Variants in PIK3R5 observed in about 807,000 individuals in gnomAD.
PIK3R5 encodes phosphoinositide 3-kinase regulatory subunit 5.
Under a neutral mutation model 94.9 loss-of-function variants are expected in PIK3R5, and 32 were observed. The observed-to-expected ratio is 0.34, with a 90% CI of 0.25 to 0.45. PIK3R5 has a LOEUF of 0.45. Among genes scored for constraint, PIK3R5 ranks in the 20% least tolerant of loss-of-function variants. PIK3R5 has a pLI of 1.00. For synonymous variants in PIK3R5, 443 were observed against 479.4 expected, an observed-to-expected ratio of 0.92 and a Z score of 0.99; for missense variants, 853 against 1,144.6, an observed-to-expected ratio of 0.75 and a Z score of 3.68.
intron 1 of PIK3R5, among the ~76,000 whole-genome samples, chr17:8,930,044 AT>A (rs2090960427): frequency 6.6e-6 from 1 of 152,256 alleles, no homozygotes; most frequent in Non-Finnish European, 1.5e-5. Context: ...TGTAAAGAAA[AT>A]CAGCAAGGAT....
chr17:8,887,512 G>C lies in PIK3R5; in HGVS notation c.1779+9C>G, dbSNP rs1336492934. The C allele has an allele frequency of 1.2e-6, 2 of 1,600,316 alleles. No homozygotes were observed. The highest frequency in any genetic ancestry group is 1.1e-5 in the South Asian group (1 of 88,742). On this transcript the variant is annotated intron_variant, in intron 11 of 18. Coordinates refer to ENST00000447110, the MANE Select transcript of PIK3R5 (RefSeq NM_001142633.3). Reference sequence around the variant, plus strand: ...TTTCCCCGACCATTGGCCCAGGCTGGGGACATACTCCAGGGCTGGCGTGCC... The same window carrying C: ...TTTCCCCGACCATTGGCCCAGGCTGCGGACATACTCCAGGGCTGGCGTGCC...
intron 1 of PIK3R5, among the ~76,000 whole-genome samples, chr17:8,918,062 A>G (rs2090664263): frequency 6.6e-6 from 1 of 152,212 alleles, no homozygotes; most frequent in Non-Finnish European, 1.5e-5. Flanking sequence ...TTTAATGTAT[A>G]TACAGATAAA....
intron 3 of PIK3R5, 117 bp downstream of exon 3, chr17:8,908,957 C>A (rs114416928): frequency 3.1e-6 from 2 of 641,956 alleles, no homozygotes; most frequent in Non-Finnish European, 5.6e-6. Flanking sequence ...GTTCCCAGGG[C>A]CTTTGCCCAG....
At chr17:8,895,666 C>T (rs1309895303) in intron 5 of PIK3R5, among the ~76,000 whole-genome samples, 5 of 152,158 alleles carry the variant, frequency 3.3e-5, no homozygotes, top group Admixed American at 2.6e-4. Flanking sequence ...CATCTATATT[C>T]GTGTGCCTTA....
At chr17:8,905,769 C>T in intron 3 of PIK3R5, 32 bp from the exon 4 acceptor site, 1 of 1,499,150 alleles carries the variant, frequency 6.7e-7, no homozygotes, top group Non-Finnish European at 9.1e-7. Context: ...GAATGAGCCT[C>T]ATTCACGGGG....
rs2090063552 is a variant in PIK3R5, at chr17:8,893,046, C to G, written c.482+540G>C. Among the ~76,000 whole-genome samples the G allele has an allele frequency of 7.4e-6, 1 of 135,790 alleles. No individual in the cohort carries two copies. The highest frequency in any genetic ancestry group is 3.0e-5 in the African/African-American group (1 of 33,028). The allele number at this position is 135,790 out of a possible 152,430, so 89.1% of individuals were successfully genotyped here. A position where few individuals can be genotyped will look rare whatever the true frequency, so the allele number is the denominator to read the frequency against. ...GTAACCAGGATACATTTCATTTCAG[C>G]TGTGTGTGTGTGTGTGTGTGTGTGT... On this transcript the variant is annotated intron_variant, in intron 6 of 18. Coordinates refer to ENST00000447110, the MANE Select transcript of PIK3R5 (RefSeq NM_001142633.3). The surrounding 1 kb of genome is among the most constrained non-coding windows in gnomAD (Gnocchi z 5.1).
intron 1 of PIK3R5, among the ~76,000 whole-genome samples, chr17:8,928,421 A>C (rs2090929279): frequency 6.6e-6 from 1 of 152,266 alleles, no homozygotes; most frequent in African/African-American, 2.4e-5. Context: ...AACCATAAAC[A>C]GGATAAAGCC....
chr17:8,887,055 G>T, intron 12 of PIK3R5, 41 bp downstream of exon 12: 2 of 1,610,382 alleles, frequency 1.2e-6, no homozygotes, highest in Non-Finnish European at 1.7e-6. Context: ...CTGGGTGACT[G>T]CAGCCAGTGG....
rs2091055184 is a variant in PIK3R5 at position 8,935,424 on chromosome 17, T to C, written c.-13-23917A>G. Among the ~76,000 whole-genome samples the C allele has an allele frequency of 6.6e-6, 1 of 151,856 alleles. No homozygotes were observed. The highest frequency in any genetic ancestry group is 6.6e-5 in the Admixed American group (1 of 15,232). On this transcript the variant is annotated intron_variant, in intron 1 of 18. Coordinates refer to ENST00000447110, the MANE Select transcript of PIK3R5 (RefSeq NM_001142633.3). This position sits in a 1 kb window ranked among gnomAD's most constrained non-coding sequence, Gnocchi z 4.5. ...GTCCCAGTGAGTCAGTCTTCAGAGG[T>C]GTTGAACGAGTCGTTTTTGGCCACC...
Position 8,904,711 on chromosome 17 carries a change from C to T in PIK3R5, c.412+66G>A, listed in dbSNP as rs2090358169. 2 of 1,541,360 alleles carry T rather than the reference C, an allele frequency of 1.3e-6. No individual in the cohort carries two copies. The highest frequency in any genetic ancestry group is 1.8e-5 in the Admixed American group (1 of 56,124). On this transcript the variant is annotated intron_variant, in intron 5 of 18. Transcript: ENST00000447110. The surrounding 1 kb of genome is among the most constrained non-coding windows in gnomAD (Gnocchi z 5.1). ...TAAGGAGGGTCACAAAAAACAGTTT[C>T]AGAGGAGTTGGAAGCATTCTGACCT...
chr17:8,916,820 G>A (rs2090639949), intron 1 of PIK3R5: 1 of 152,380 alleles, frequency 6.6e-6, no homozygotes, highest in African/African-American at 2.4e-5. Context: ...CCCACGATGG[G>A]GCAGGGAGGA....
chr17:8,940,749 C>A (rs2091165436), intron 1 of PIK3R5, among the ~76,000 whole-genome samples: 1 of 152,072 alleles, frequency 6.6e-6, no homozygotes, highest in Admixed American at 6.6e-5. Flanking sequence ...TTAGTAGAGA[C>A]AGGGTTTCAC....
intron 1 of PIK3R5, among the ~76,000 whole-genome samples, chr17:8,953,493 C>A (rs770674163): frequency 4.5e-4 from 69 of 152,196 alleles, no homozygotes; most frequent in Non-Finnish European, 7.6e-4. Flanking sequence ...CAACAGCTAT[C>A]ATAGCACCGT....
intron 1 of PIK3R5, among the ~76,000 whole-genome samples, chr17:8,944,610 T>A (rs749101258): frequency 3.3e-5 from 5 of 152,092 alleles, no homozygotes; most frequent in Non-Finnish European, 7.4e-5. Context: ...GAATGAAGAG[T>A]GGGAACATAC....
chr17:8,962,425 C>G (rs1050162708), intron 1 of PIK3R5, among the ~76,000 whole-genome samples: 1 of 152,158 alleles, frequency 6.6e-6, no homozygotes. Flanking sequence ...TAAATGCAAG[C>G]AACATACTTT....
chr17:8,916,365 A>T (rs1457668241), intron 1 of PIK3R5: 5 of 152,114 alleles, frequency 3.3e-5, no homozygotes, highest in Non-Finnish European at 5.9e-5. Context: ...GCCTTTTTTC[A>T]AAAGCTGGGC....
chr17:8,923,592 A>G (rs2090797640), intron 1 of PIK3R5, among the ~76,000 whole-genome samples: 1 of 152,246 alleles, frequency 6.6e-6, no homozygotes, highest in African/African-American at 2.4e-5. Context: ...GGGAAACCAG[A>G]GGAAGACTAT....
rs1336131065 is a variant in PIK3R5 at position 8,884,815 on chromosome 17, C to T, written c.2129-32G>A. ...CACACACAGACAGACCCTTCACTAC[C>T]CCTGGCTTCCCCGGCTCCTCACGAA... is the stretch of plus-strand genomic sequence containing the variant. On this transcript the variant is annotated intron_variant, in intron 14 of 18. Transcript: ENST00000447110. This position sits in a 1 kb window ranked among gnomAD's most constrained non-coding sequence, Gnocchi z 5.8. 3 of 1,600,772 alleles carry T rather than the reference C, an allele frequency of 1.9e-6. No individual in the cohort carries two copies. Among genetic ancestry groups the T allele is most frequent in the Middle Eastern group, 1.7e-4 (1 of 6,048 alleles).
chr17:8,933,664 C>T (rs1013824361), intron 1 of PIK3R5, among the ~76,000 whole-genome samples: 3 of 151,906 alleles, frequency 2.0e-5, no homozygotes, highest in African/African-American at 7.3e-5. Flanking sequence ...CTTATCAAAA[C>T]AATTAAAAAT....
Sources: allele counts gnomAD v4.1 joint callset (sites outside exome capture counted in the v4.1 genomes callset), GRCh38; gene constraint gnomAD v4.1.1; non-coding constraint Gnocchi (gnomAD v3.1); transcripts MANE v1.5; gene names NCBI Gene and HGNC (gene_info 2026-07-23, HGNC 2026-07-21).